The following ROR2 variants were observed in gnomAD, a reference collection of about 807,000 sequenced individuals.
ROR2 encodes the protein tyrosine-protein kinase transmembrane receptor ROR2.
In ROR2, 33 loss-of-function variants were observed where a neutral mutation model predicts 74.9. The ratio of observed to expected loss-of-function variants is 0.44; its 90% CI spans 0.33 to 0.59. The LOEUF (loss-of-function observed/expected upper bound fraction) is 0.59. Ranked by LOEUF, ROR2 falls within the 20% of genes least tolerant of loss-of-function variation. ROR2 has a pLI of 0.02. For missense variants in ROR2, 1,216 were observed against 1,313.8 expected (o/e 0.93, Z 1.15); for synonymous variants, 586 against 558.7 (o/e 1.05, Z -0.69).
At position 91,775,889 on chromosome 9, in the gene ROR2, C is replaced by T. The variant is rs545167748; in HGVS notation, c.98-71G>A. Reference sequence around the variant, plus strand: ...AGGAGCCTTTAATTTGCTTCTTATGCAAAGACAACAGCATTCTAGCAAAAC... The same window carrying T: ...AGGAGCCTTTAATTTGCTTCTTATGTAAAGACAACAGCATTCTAGCAAAAC... On this transcript the variant is annotated intron_variant, in intron 1 of 8. Transcript: ENST00000375708. 7.8e-6 allele frequency: 10 copies of T among 1,284,770 alleles called. No individual in the cohort carries two copies. In the South Asian group the frequency reaches 1.2e-4, roughly 16 times the overall value. 79.6% of individuals were successfully genotyped at this position (1,284,770 alleles called of 1,614,324 possible). A position where few individuals can be genotyped will look rare whatever the true frequency, so the allele number is the denominator to read the frequency against.
At chr9:91,880,799 G>A (rs1237813342) in intron 1 of ROR2, among the ~76,000 whole-genome samples, 1 of 152,206 alleles carries the variant, frequency 6.6e-6, no homozygotes, top group Non-Finnish European at 1.5e-5. Context: ...GAAGGTCAAG[G>A]GCAGGCTGGG....
intron 1 of ROR2, among the ~76,000 whole-genome samples, chr9:91,812,391 C>T (rs536087151): frequency 5.2e-4 from 79 of 152,052 alleles, no homozygotes; most frequent in Admixed American, 9.2e-4. Context: ...CAGGCTCCTG[C>T]GCGGGGGCCG....
chr9:91,807,714 C>T (rs1192743134), intron 1 of ROR2, among the ~76,000 whole-genome samples: 2 of 152,020 alleles, frequency 1.3e-5, no homozygotes, highest in Non-Finnish European at 2.9e-5. Flanking sequence ...TGTATGTGCA[C>T]AAAAATCTCC....
intron 1 of ROR2, among the ~76,000 whole-genome samples, chr9:91,831,912 C>T (rs116284744): frequency 1.3e-5 from 2 of 152,304 alleles, no homozygotes; most frequent in African/African-American, 2.4e-5. Context: ...GCTGTGTGTG[C>T]GGTCAAATGC....
At chr9:91,801,664 C>T (rs954865422) in intron 1 of ROR2, among the ~76,000 whole-genome samples, 1 of 152,156 alleles carries the variant, frequency 6.6e-6, no homozygotes, top group East Asian at 1.9e-4. Context: ...TATCTCATGC[C>T]GGAATCCCCA....
chr9:91,830,542 G>GCAC (rs1389460808), intron 1 of ROR2, among the ~76,000 whole-genome samples: 2 of 152,096 alleles, frequency 1.3e-5, no homozygotes, highest in Non-Finnish European at 2.9e-5. Context: ...AGGTTTCAGA[G>GCAC]CACACAGCAC....
Position 91,726,647 on chromosome 9 carries a change from A to G in ROR2, c.1280T>C (p.Met427Thr), listed in dbSNP as rs1837048197. ...AGATGCCTTCTGCTTATTCCGGCACATGCAAACCAAGAAGAAAAGGCAAGC... is the reference window on the plus strand; with the variant it reads ...AGATGCCTTCTGCTTATTCCGGCACGTGCAAACCAAGAAGAAAAGGCAAGC... The part of the protein sequence containing the change: ...VIACLFFLVC[M>T]CRNKQKASAS... Residue 427 changes from methionine to threonine, a missense_variant, in exon 8 of 9, where the codon ATG (methionine) becomes ACG (threonine). Coordinates refer to ENST00000375708, the MANE Select transcript of ROR2 (RefSeq NM_004560.4). 6.2e-7 allele frequency: 1 copy of G among 1,613,962 alleles called. No individual in the cohort carries two copies. The highest frequency in any genetic ancestry group is 1.3e-5 in the African/African-American group (1 of 74,884).
intron 2 of ROR2, among the ~76,000 whole-genome samples, chr9:91,765,173 T>G (rs1826024944): frequency 6.6e-6 from 1 of 152,232 alleles, no homozygotes; most frequent in Non-Finnish European, 1.5e-5. Flanking sequence ...ATAATTCCAC[T>G]GTGCTCTCTC....
chr9:91,806,762 T>G (rs1436723831), intron 1 of ROR2, among the ~76,000 whole-genome samples: 3 of 152,128 alleles, frequency 2.0e-5, no homozygotes, highest in African/African-American at 7.2e-5. Context: ...GCTAATTTTT[T>G]GTATTTTTAG....
rs1311697502 is a variant in ROR2, at chr9:91,859,215, T to A, written c.98-83397A>T. ...AGTATTCCTTTTTTTTTTTTTTTTT[T>A]TTTTGAGACAGAGTCTCACTCTGTT... On this transcript the variant is annotated intron_variant, in intron 1 of 8. Transcript: ENST00000375708. 3.0e-4 allele frequency among the ~76,000 whole-genome samples: 35 copies of A among 115,780 alleles called. No individual in the cohort carries two copies. In the East Asian group the frequency reaches 9.5e-3, roughly 31 times the overall value. The allele number at this position is 115,780 out of a possible 152,430, so 76.0% of individuals were successfully genotyped here. A position where few individuals can be genotyped will look rare whatever the true frequency, so the allele number is the denominator to read the frequency against.
chr9:91,744,805 G>A (rs1056775534), intron 4 of ROR2, among the ~76,000 whole-genome samples: 3 of 152,182 alleles, frequency 2.0e-5, no homozygotes, highest in African/African-American at 7.2e-5. Flanking sequence ...GGCTCTGAGG[G>A]TGCCAGTTCC....
chr9:91,831,298 T>C (rs374894367), intron 1 of ROR2, among the ~76,000 whole-genome samples: 1 of 152,122 alleles, frequency 6.6e-6, no homozygotes, highest in African/African-American at 2.4e-5. Context: ...TTAATACTTT[T>C]GTAACGTAAG....
At chr9:91,889,404 G>A (rs1830369214) in intron 1 of ROR2, among the ~76,000 whole-genome samples, 3 of 152,236 alleles carry the variant, frequency 2.0e-5, no homozygotes, top group South Asian at 2.1e-4. Context: ...CAATAGGACA[G>A]AGAAGGTATG....
rs781276274 is a variant in ROR2 at position 91,731,010 on chromosome 9, C to T, written c.1083G>A (p.Gly361=). ...SSTDFPELGG[G]HAYCRNPGGQ... ...CTCCGGGGTTCCGGCAGTAGGCGTG[C>T]CCCCCTCCAAGCTCAGGGAAGTCTG... Residue 361 remains glycine, a synonymous_variant, in exon 7 of 9, where the codon GGG becomes GGA. Coordinates refer to ENST00000375708, the MANE Select transcript of ROR2 (RefSeq NM_004560.4). The T allele has an allele frequency of 5.0e-6, 8 of 1,614,148 alleles. No individual in the cohort carries two copies. Among genetic ancestry groups the T allele is most frequent in the Non-Finnish European group, 5.9e-6 (7 of 1,180,022 alleles).
chr9:91,744,168 G>A (rs893763442), intron 4 of ROR2, among the ~76,000 whole-genome samples: 3 of 149,626 alleles, frequency 2.0e-5, no homozygotes, highest in African/African-American at 7.4e-5. Context: ...TCAATGTCTT[G>A]AATGGGACCT....
intron 1 of ROR2, among the ~76,000 whole-genome samples, chr9:91,935,628 G>T (rs1358332186): frequency 6.6e-6 from 1 of 152,190 alleles, no homozygotes; most frequent in Non-Finnish European, 1.5e-5. Flanking sequence ...AAGGCCCTAG[G>T]ACGGGCAGCA....
chr9:91,770,320 T>C (rs888214716), intron 2 of ROR2, among the ~76,000 whole-genome samples: 1 of 152,206 alleles, frequency 6.6e-6, no homozygotes, highest in Admixed American at 6.5e-5. Context: ...TACAATCACC[T>C]GGCAGGAGGA....
intron 1 of ROR2, among the ~76,000 whole-genome samples, chr9:91,811,230 A>C (rs970174002): frequency 6.6e-6 from 1 of 152,222 alleles, no homozygotes; most frequent in South Asian, 2.1e-4. Context: ...CAGTAGTGAC[A>C]GGCAAAGGTG....
rs79482738 is a variant in ROR2, at chr9:91,896,489, C to T, written c.97+53378G>A. ...AAGATCTCACCATATCCGGATTTTG[C>T]GCAGCCAACAGAAGTGTGAATAATC... On this transcript the variant is annotated intron_variant, in intron 1 of 8. Transcript: ENST00000375708. 5.8e-3 allele frequency among the ~76,000 whole-genome samples: 885 copies of T among 152,292 alleles called. 10 individuals are homozygous for T. Among genetic ancestry groups the T allele is most frequent in the African/African-American group, 0.02 (842 of 41,560 alleles).
Sources: allele counts gnomAD v4.1 joint callset (sites outside exome capture counted in the v4.1 genomes callset), GRCh38; gene constraint gnomAD v4.1.1; transcripts MANE v1.5; gene names NCBI Gene and HGNC (gene_info 2026-07-23, HGNC 2026-07-21).